The following IPO11 variants were observed in gnomAD, a reference collection of about 807,000 sequenced individuals.
IPO11 encodes importin-11.
In IPO11, 66 loss-of-function variants were observed where a neutral mutation model predicts 143.2. The observed-to-expected ratio is 0.46, with a 90% CI of 0.38 to 0.57. The LOEUF is 0.57. Ranked by LOEUF, IPO11 falls within the 20% of genes least tolerant of loss-of-function variation. The pLI, the probability that IPO11 is intolerant of heterozygous loss-of-function variation, is 0.00. For synonymous variants in IPO11, 385 were observed against 377.8 expected (o/e 1.02, Z -0.22); for missense variants, 1,026 against 1,141.0 (o/e 0.90, Z 1.45).
intron 1 of IPO11, among the ~76,000 whole-genome samples, chr5:62,413,991 C>G (rs1027064392): frequency 6.6e-6 from 1 of 152,170 alleles, no homozygotes; most frequent in African/African-American, 2.4e-5. Context: ...CTGCAGTAAC[C>G]TAGCACAGGG....
At chr5:62,590,398 G>A (rs760918702) in intron 27 of IPO11, among the ~76,000 whole-genome samples, 15 of 151,994 alleles carry the variant, frequency 9.9e-5, no homozygotes, top group Non-Finnish European at 1.8e-4. Flanking sequence ...TTTGGTTGTG[G>A]GTTTTAGTGC....
chr5:62,482,628 A>G (rs754552247), intron 9 of IPO11, among the ~76,000 whole-genome samples: 41 of 152,176 alleles, frequency 2.7e-4, no homozygotes, highest in Non-Finnish European at 5.3e-4. Flanking sequence ...TTACACAATG[A>G]TGGCATTCTA....
chr5:62,425,251 A>G (rs986931754), intron 1 of IPO11, among the ~76,000 whole-genome samples: 1 of 152,080 alleles, frequency 6.6e-6, no homozygotes, highest in African/African-American at 2.4e-5. Flanking sequence ...CCTTGGGGGG[A>G]AAGGAACATA....
intron 11 of IPO11, among the ~76,000 whole-genome samples, chr5:62,485,196 A>T (rs1311847472): frequency 6.6e-6 from 1 of 152,194 alleles, no homozygotes; most frequent in Non-Finnish European, 1.5e-5. Context: ...CGAAAATGAG[A>T]ATGCTTATGG....
At chr5:62,489,055 A>G (rs548308667) in intron 13 of IPO11, among the ~76,000 whole-genome samples, 1 of 152,298 alleles carries the variant, frequency 6.6e-6, no homozygotes, top group Admixed American at 6.5e-5. Context: ...TTTGTGGTGT[A>G]TATTTTCTAG....
rs931302969 is a variant in IPO11 at position 62,504,838 on chromosome 5, A to G, written c.1625-20A>G. ...TTGATAAAACTTATATATTCTCAGT[A>G]TTCCTTAACTGTTCTTCACCTGTTG... On this transcript the variant is annotated intron_variant, in intron 17 of 29. Transcript: ENST00000325324. 2 of 1,514,116 alleles carry G rather than the reference A, an allele frequency of 1.3e-6. No individual in the cohort carries two copies. The highest frequency in any genetic ancestry group is 1.8e-6 in the Non-Finnish European group (2 of 1,107,638). 93.8% of individuals were successfully genotyped at this position (1,514,116 alleles called of 1,614,324 possible). A position where few individuals can be genotyped will look rare whatever the true frequency, so the allele number is the denominator to read the frequency against.
intron 1 of IPO11, among the ~76,000 whole-genome samples, chr5:62,428,634 G>A (rs1743849417): frequency 6.6e-6 from 1 of 151,894 alleles, no homozygotes; most frequent in African/African-American, 2.4e-5. Flanking sequence ...GAGCCCCCGC[G>A]CCTGGCTATA....
intron 5 of IPO11, among the ~76,000 whole-genome samples, chr5:62,463,236 G>A (rs894392056): frequency 1.3e-5 from 2 of 151,952 alleles, no homozygotes; most frequent in African/African-American, 4.8e-5. Context: ...TGTAGAAAAA[G>A]GGTCTCACTT....
intron 7 of IPO11, among the ~76,000 whole-genome samples, chr5:62,471,910 C>T (rs1260817904): frequency 3.3e-5 from 5 of 152,042 alleles, no homozygotes; most frequent in African/African-American, 4.8e-5. Flanking sequence ...AGGATAAATT[C>T]CTAGAATTGA....
chr5:62,526,215 A>G lies in IPO11; in HGVS notation c.1970A>G (p.Gln657Arg). Residue 657 changes from glutamine to arginine, a missense_variant, in exon 21 of 30, where the codon CAG becomes CGG. By Grantham distance (43) the Gln-to-Arg change is conservative. Coordinates refer to ENST00000325324, the MANE Select transcript of IPO11 (RefSeq NM_016338.5). ...PVIQLSTDVS[Q>R]PPHVYLLEDG... ...ATTCAACTGAGTACAGATGTTTCACAGCCTCCACATGTTTATCTTCTGGAA... is the reference window on the plus strand; with the variant it reads ...ATTCAACTGAGTACAGATGTTTCACGGCCTCCACATGTTTATCTTCTGGAA... The G allele has an allele frequency of 6.2e-7, 1 of 1,613,698 alleles. No individual in the cohort carries two copies. The highest frequency in any genetic ancestry group is 8.5e-7 in the Non-Finnish European group (1 of 1,179,720).
At position 62,487,850 on chromosome 5, in the gene IPO11, A is replaced by G; in HGVS notation, c.1298A>G (p.Gln433Arg). The G allele has an allele frequency of 6.2e-7, 1 of 1,608,790 alleles. No homozygotes were observed. The highest frequency in any genetic ancestry group is 8.5e-7 in the Non-Finnish European group (1 of 1,178,144). ...ACTCCTGTACTTCTAGAAATGATGCAAACACTTCAAGGTAAGGCATATTTT... is the reference window on the plus strand; with the variant it reads ...ACTCCTGTACTTCTAGAAATGATGCGAACACTTCAAGGTAAGGCATATTTT... Reference protein sequence around the residue: ...TLTPVLLEMMQTLQGPTNVED... With the variant: ...TLTPVLLEMMRTLQGPTNVED... Residue 433 changes from glutamine (Q) to arginine (R), a missense_variant, in exon 13 of 30, where the codon CAA (glutamine) becomes CGA (arginine). By Grantham distance (43) the Gln-to-Arg change is conservative. Around this residue, in one of 5 missense-constraint regions of IPO11, gnomAD observed 237 missense variants for 288.0 expected, o/e 0.82. Transcript: ENST00000325324.
At chr5:62,471,113 C>T (rs925982581) in intron 7 of IPO11, among the ~76,000 whole-genome samples, 8 of 150,570 alleles carry the variant, frequency 5.3e-5, no homozygotes, top group Non-Finnish European at 7.4e-5. Flanking sequence ...CAGGCTTGGC[C>T]GTGCTTGGCC....
intron 9 of IPO11, among the ~76,000 whole-genome samples, chr5:62,481,552 T>C (rs1746212365): frequency 6.6e-6 from 1 of 152,234 alleles, no homozygotes; most frequent in African/African-American, 2.4e-5. Context: ...GTTTATGTGA[T>C]GGATTACGTT....
At chr5:62,567,677 C>T (rs1418802416) in intron 27 of IPO11, among the ~76,000 whole-genome samples, 1 of 150,896 alleles carries the variant, frequency 6.6e-6, no homozygotes, top group Admixed American at 6.6e-5. Flanking sequence ...ATTCTTCTGC[C>T]TCAGCCTCCC....
chr5:62,566,860 G>A (rs32158), intron 27 of IPO11, among the ~76,000 whole-genome samples: 105,030 of 151,770 alleles, frequency 0.69, 36,730 homozygotes, highest in African/African-American at 0.78. Context: ...ATATGTGTGT[G>A]TATATATATT....
chr5:62,509,632 C>T (rs1259941239), intron 19 of IPO11, among the ~76,000 whole-genome samples: 1 of 152,182 alleles, frequency 6.6e-6, no homozygotes, highest in Non-Finnish European at 1.5e-5. Flanking sequence ...AACTTTATGC[C>T]TGTTGATTAG....
chr5:62,458,989 A>G (rs554148427), intron 5 of IPO11, among the ~76,000 whole-genome samples: 2 of 152,296 alleles, frequency 1.3e-5, no homozygotes, highest in African/African-American at 2.4e-5. Context: ...CCATCTATTT[A>G]TCTGACAAAT....
chr5:62,480,907 T>A (rs987709028), intron 9 of IPO11, among the ~76,000 whole-genome samples: 3 of 58,540 alleles, frequency 5.1e-5, no homozygotes, highest in South Asian at 6.3e-4. Flanking sequence ...TCCTCTTTCA[T>A]TTTTTTTTTT....
intron 19 of IPO11, among the ~76,000 whole-genome samples, chr5:62,513,110 A>T (rs1273662815): frequency 1.8e-4 from 27 of 150,290 alleles, no homozygotes; most frequent in African/African-American, 6.4e-4. Flanking sequence ...TACACCTCCC[A>T]GACGGGGTGG....
Sources: allele counts gnomAD v4.1 joint callset (sites outside exome capture counted in the v4.1 genomes callset), GRCh38; gene constraint gnomAD v4.1.1; regional missense constraint gnomAD v4.1.1; transcripts MANE v1.5; gene names NCBI Gene and HGNC (gene_info 2026-07-23, HGNC 2026-07-21).